CACNA1A: variants seen among roughly 807,000 people sequenced by gnomAD.
The protein encoded by CACNA1A is voltage-dependent P/Q-type calcium channel subunit alpha-1A.
CACNA1A carries 57 observed loss-of-function variants against 262.4 expected under a neutral mutation model. The ratio of observed to expected loss-of-function variants is 0.22; its 90% CI spans 0.18 to 0.27. The LOEUF (loss-of-function observed/expected upper bound fraction) is 0.27, where lower values mean the gene tolerates loss of function less well. Among genes scored for constraint, CACNA1A ranks in the 10% least tolerant of loss-of-function variants. The probability of loss-of-function intolerance (pLI) is 1.00; values close to 1 mark genes in which losing one functional copy is unlikely to be tolerated. For synonymous variants in CACNA1A, 1,431 were observed against 1,419.3 expected (o/e 1.01, Z -0.18); for missense variants, 2,526 against 3,562.8 (o/e 0.71, Z 7.41).
chr19:13,337,827 C>A (rs576008781), intron 6 of CACNA1A, among the ~76,000 whole-genome samples: 1 of 152,336 alleles, frequency 6.6e-6, no homozygotes, highest in South Asian at 2.1e-4. Flanking sequence ...CACACCTAGG[C>A]TGCATGGTCT....
intron 1 of CACNA1A, among the ~76,000 whole-genome samples, chr19:13,474,414 A>G (rs1256662821): frequency 3.3e-5 from 5 of 152,210 alleles, no homozygotes. Context: ...CAACAACAGA[A>G]AAACATTGCA....
chr19:13,302,333 G>C (rs1413055885), intron 17 of CACNA1A, among the ~76,000 whole-genome samples: 1 of 152,060 alleles, frequency 6.6e-6, no homozygotes, highest in African/African-American at 2.4e-5. Context: ...CCTGCTCCAC[G>C]GAGGCAGGGA....
At chr19:13,240,708 T>C (rs956634684) in intron 31 of CACNA1A, among the ~76,000 whole-genome samples, 1 of 145,616 alleles carries the variant, frequency 6.9e-6, no homozygotes. Context: ...TGTGTGTGCA[T>C]AGTGACTGTG....
chr19:13,227,502 A>G lies in CACNA1A; in HGVS notation c.5554T>C (p.Tyr1852His). The G allele has an allele frequency of 6.2e-7, 1 of 1,603,432 alleles. No homozygotes were observed. The highest frequency in any genetic ancestry group is 8.5e-7 in the Non-Finnish European group (1 of 1,173,380). The change falls in exon 37 of 47, where the codon TAT becomes CAT. Residue 1852 changes from tyrosine to histidine, a missense_variant. Tyr to His is a moderately conservative substitution (Grantham distance 83). Coordinates refer to ENST00000360228, the MANE Select transcript of CACNA1A (RefSeq NM_001127222.2). ...GGAGACATGTGTCTCAGCATCTGATACATGTCCAGGTAAGGCATGCGGCCC... is the reference window on the plus strand; with the variant it reads ...GGAGACATGTGTCTCAGCATCTGATGCATGTCCAGGTAAGGCATGCGGCCC... ...AWGRMPYLDM[Y>H]QMLRHMSPPL... is the part of the protein sequence containing the mutation.
intron 17 of CACNA1A, among the ~76,000 whole-genome samples, chr19:13,301,562 G>T (rs1380951007): frequency 6.6e-6 from 1 of 152,232 alleles, no homozygotes; most frequent in Non-Finnish European, 1.5e-5. Context: ...CAGAGAGGAG[G>T]AGAATGGGGG....
In CACNA1A at chr19:13,497,572, ATATAT is replaced by A. The variant is rs1479287340; in HGVS notation, c.293+8355_293+8359del. ...TATATATATATATATATATATATAT[ATATAT>A]ATAAATTTATGTTGTTAAAGCTGGG... On this transcript the variant is annotated intron_variant, in intron 1 of 46. Coordinates refer to ENST00000360228, the MANE Select transcript of CACNA1A (RefSeq NM_001127222.2). Among the ~76,000 whole-genome samples the A allele has an allele frequency of 7.8e-3, 304 of 38,918 alleles. 64 individuals are homozygous for A. Among genetic ancestry groups the A allele is most frequent in the East Asian group, 9.2e-3 (12 of 1,308 alleles). 25.5% of individuals were successfully genotyped at this position (38,918 alleles called of 152,430 possible). A position where few individuals can be genotyped will look rare whatever the true frequency, so the allele number is the denominator to read the frequency against.
rs538000679 is a variant in CACNA1A, at chr19:13,477,777, A to G, written c.294-22565T>C. 2.0e-5 allele frequency among the ~76,000 whole-genome samples: 3 copies of G among 152,350 alleles called. No individual in the cohort carries two copies. The East Asian group carries it at 5.8e-4, about 29-fold the overall frequency. On this transcript the variant is annotated intron_variant, in intron 1 of 46. Coordinates refer to ENST00000360228, the MANE Select transcript of CACNA1A (RefSeq NM_001127222.2). The stretch of plus-strand genomic sequence containing the variant: ...TCTGACAGTGGCCTCTGAGTAACAC[A>G]GTGTGACATGCCTTCAACTATGATC...
chr19:13,480,673 A>T (rs181778834), intron 1 of CACNA1A, among the ~76,000 whole-genome samples: 5 of 152,258 alleles, frequency 3.3e-5, no homozygotes, highest in African/African-American at 1.2e-4. Flanking sequence ...CTAATTTTAA[A>T]ATTTCTAAAA....
At chr19:13,234,806 A>T (rs1163029007) in intron 34 of CACNA1A, 115 bp downstream of exon 34, 1 of 739,852 alleles carries the variant, frequency 1.4e-6, no homozygotes, top group East Asian at 2.5e-5. Context: ...GAAGAGAAGG[A>T]GGAGGGCACG....
chr19:13,488,998 C>CTTTTTT (rs1980403401), intron 1 of CACNA1A, among the ~76,000 whole-genome samples: 1 of 102,698 alleles, frequency 9.7e-6, no homozygotes, highest in African/African-American at 4.9e-5. Context: ...AATTTCTTTT[C>CTTTTTT]TTTTCTTTTT....
intron 3 of CACNA1A, among the ~76,000 whole-genome samples, chr19:13,376,815 G>T (rs11881862): frequency 9.4e-5 from 9 of 96,138 alleles, no homozygotes; most frequent in African/African-American, 3.1e-4. Context: ...TATATGTTAT[G>T]TGTGATATAT....
intron 3 of CACNA1A, among the ~76,000 whole-genome samples, chr19:13,383,578 G>A (rs1327134197): frequency 6.6e-6 from 1 of 152,056 alleles, no homozygotes; most frequent in African/African-American, 2.4e-5. Flanking sequence ...TGGCCACTCC[G>A]ACTTCCTTTC....
intron 4 of CACNA1A, chr19:13,365,670 G>GTT (rs34216609): frequency 6.3e-3 from 2,880 of 457,988 alleles, no homozygotes; most frequent in Middle Eastern, 0.01. Context: ...CACTTCCTAG[G>GTT]TTTTTTTTTT....
intron 31 of CACNA1A, chr19:13,244,425 A>G (rs1302312266): frequency 6.6e-6 from 1 of 152,272 alleles, no homozygotes; most frequent in Non-Finnish European, 1.5e-5. Flanking sequence ...GTAAGATGAC[A>G]TTGGTATCAC....
In CACNA1A at chr19:13,438,666, C is replaced by G. The variant is rs577513958; in HGVS notation, c.539+14210G>C. Among the ~76,000 whole-genome samples, 3 of 152,302 alleles carry G rather than the reference C, an allele frequency of 2.0e-5. No homozygotes were observed. The East Asian group carries it at 5.8e-4, about 29-fold the overall frequency. On this transcript the variant is annotated intron_variant, in intron 3 of 46. Coordinates refer to ENST00000360228, the MANE Select transcript of CACNA1A (RefSeq NM_001127222.2). ...CTCAACTGAGACCAGATAAAGCACC[C>G]AACTGGGCCCAGCCTAAACTGCCAC...
intron 24 of CACNA1A, among the ~76,000 whole-genome samples, chr19:13,268,281 T>C (rs1372166815): frequency 6.6e-6 from 1 of 152,128 alleles, no homozygotes; most frequent in Non-Finnish European, 1.5e-5. Flanking sequence ...CCTCTCGTGA[T>C]TCATTGGAAT....
At chr19:13,259,904 A>C in intron 26 of CACNA1A, 1 of 566,632 alleles carries the variant, frequency 1.8e-6, no homozygotes. Flanking sequence ...AGATAAATCC[A>C]TGGGTGATGG....
At position 13,209,334 on chromosome 19, in the gene CACNA1A, G is replaced by C; in HGVS notation, c.6504C>G (p.Gly2168=). ...CACCTGTGTCCACATCGGTGTAGCG[G>C]CCCAGGGAGCGCTCAGAGGCGCGGT... ...RSHRASERSL[G]RYTDVDTGLG... is the part of the protein sequence containing the mutation. The change falls in exon 45 of 47, where the codon GGC becomes GGG. Residue 2168 remains glycine, a synonymous_variant. Coordinates refer to ENST00000360228, the MANE Select transcript of CACNA1A (RefSeq NM_001127222.2). 7.2e-7 allele frequency: 1 copy of C among 1,394,410 alleles called. No homozygotes were observed. Among genetic ancestry groups the C allele is most frequent in the East Asian group, 2.8e-5 (1 of 36,182 alleles). The allele number at this position is 1,394,410 out of a possible 1,614,324, so 86.4% of individuals were successfully genotyped here. A position where few individuals can be genotyped will look rare whatever the true frequency, so the allele number is the denominator to read the frequency against.
chr19:13,379,130 G>A (rs1309478268), intron 3 of CACNA1A, among the ~76,000 whole-genome samples: 1 of 151,866 alleles, frequency 6.6e-6, no homozygotes, highest in African/African-American at 2.4e-5. Flanking sequence ...ACAGGCATGC[G>A]TCACCATACC....
Sources: allele counts gnomAD v4.1 joint callset (sites outside exome capture counted in the v4.1 genomes callset), GRCh38; gene constraint gnomAD v4.1.1; transcripts MANE v1.5; gene names NCBI Gene and HGNC (gene_info 2026-07-23, HGNC 2026-07-21).